LOC400499: variants seen among roughly 807,000 people sequenced by gnomAD.
the LOC400499 span, chr16:11,484,762 G>A: frequency 2.5e-6 from 1 of 397,708 alleles, no homozygotes; most frequent in East Asian, 3.6e-5. Flanking sequence ...ACTTAATTCT[G>A]CAAGGAGGAG....
the LOC400499 span, among the ~76,000 whole-genome samples, chr16:11,468,448 T>G: frequency 1.3e-5 from 2 of 151,862 alleles, no homozygotes; most frequent in Non-Finnish European, 2.9e-5. Context: ...CTCAGTCTCC[T>G]GAGTAGCTGA....
the LOC400499 span, chr16:11,402,176 C>A: frequency 2.5e-6 from 1 of 398,956 alleles, no homozygotes; most frequent in South Asian, 1.3e-4. Flanking sequence ...GGTGAGGACA[C>A]ACACAAAGGG....
At chr16:11,381,094 A>G in the LOC400499 span, 2 of 152,126 alleles carry the variant, frequency 1.3e-5, no homozygotes, top group Admixed American at 1.3e-4. Context: ...CAGCCTGGCC[A>G]TTTGGATGTT....
At chr16:11,460,397 G>A in the LOC400499 span, 1 of 1,388,186 alleles carries the variant, frequency 7.2e-7, no homozygotes, top group East Asian at 2.6e-5. Context: ...TCTCTTTGGG[G>A]ATGAGTTCAG....
At chr16:11,385,056 G>A in the LOC400499 span, 1 of 1,232,028 alleles carries the variant, frequency 8.1e-7, no homozygotes, top group Non-Finnish European at 1.0e-6. Flanking sequence ...GAGTTGTACA[G>A]CCTGTAGGCC....
At chr16:11,416,055 G>A in the LOC400499 span, among the ~76,000 whole-genome samples, 7,000 of 151,242 alleles carry the variant, frequency 0.046, 552 homozygotes, top group African/African-American at 0.16. Context: ...TCCCAGGTTC[G>A]AGTGATTCTT....
the LOC400499 span, among the ~76,000 whole-genome samples, chr16:11,384,611 C>G: frequency 2.0e-5 from 3 of 152,206 alleles, no homozygotes; most frequent in African/African-American, 7.2e-5. Flanking sequence ...CCTTTGTGTT[C>G]CTTGGCAGAG....
chr16:11,382,301 A>T, the LOC400499 span, among the ~76,000 whole-genome samples: 1 of 152,166 alleles, frequency 6.6e-6, no homozygotes, highest in African/African-American at 2.4e-5. Context: ...CCAATTCATT[A>T]ATTTTCTCTT....
chr16:11,496,970 T>C, the LOC400499 span, among the ~76,000 whole-genome samples: 3 of 151,922 alleles, frequency 2.0e-5, no homozygotes, highest in African/African-American at 7.2e-5. Context: ...TGTCCGTGCA[T>C]TTCCCCATGT....
the LOC400499 span, among the ~76,000 whole-genome samples, chr16:11,479,034 C>A: frequency 5.1e-3 from 770 of 152,300 alleles, 4 homozygotes; most frequent in African/African-American, 0.017. Flanking sequence ...TATTAAATTT[C>A]TTTCTTTGGT....
At chr16:11,414,330 T>C in the LOC400499 span, 2 of 399,286 alleles carry the variant, frequency 5.0e-6, no homozygotes. Flanking sequence ...TCCTGCTCCA[T>C]CCACTCCTTA....
chr16:11,487,113 C>T, the LOC400499 span: 1 of 396,056 alleles, frequency 2.5e-6, no homozygotes, highest in African/African-American at 2.1e-5. Flanking sequence ...ATGGACATAT[C>T]TATGGGCAGG....
At chr16:11,407,968 C>CTCTTTT in the LOC400499 span, among the ~76,000 whole-genome samples, 2 of 116,200 alleles carry the variant, frequency 1.7e-5, no homozygotes, top group African/African-American at 6.8e-5. Flanking sequence ...TGTTCCAGAG[C>CTCTTTT]TGTTTTTTTT....
the LOC400499 span, among the ~76,000 whole-genome samples, chr16:11,403,968 G>A: frequency 6.6e-6 from 1 of 152,058 alleles, no homozygotes; most frequent in Non-Finnish European, 1.5e-5. Flanking sequence ...CTCCTGCCTC[G>A]CCTCATCCCT....
chr16:11,417,271 G>C, the LOC400499 span, among the ~76,000 whole-genome samples: 1 of 152,102 alleles, frequency 6.6e-6, no homozygotes, highest in African/African-American at 2.4e-5. Context: ...CTGTCACCCA[G>C]GCTGGAGGGC....
At chr16:11,378,476 C>G in the LOC400499 span, among the ~76,000 whole-genome samples, 1 of 152,180 alleles carries the variant, frequency 6.6e-6, no homozygotes, top group Non-Finnish European at 1.5e-5. Flanking sequence ...GTTTGCCAAG[C>G]TGGGCTCAAA....
the LOC400499 span, chr16:11,478,040 C>T: frequency 1.3e-5 from 5 of 396,528 alleles, no homozygotes; most frequent in Middle Eastern, 6.4e-4. Context: ...GGGCCGGGCT[C>T]GGTGGCTCAC....
the LOC400499 span, among the ~76,000 whole-genome samples, chr16:11,408,560 G>C: frequency 6.6e-6 from 1 of 151,348 alleles, no homozygotes; most frequent in Non-Finnish European, 1.5e-5. Flanking sequence ...AACCTCCTGG[G>C]CTCAAGCAAT....
At chr16:11,481,416 G>T in the LOC400499 span, among the ~76,000 whole-genome samples, 161 of 152,240 alleles carry the variant, frequency 1.1e-3, no homozygotes, top group African/African-American at 3.6e-3. Context: ...TCTGCCTCTT[G>T]GGTTAAAGCG....
Sources: gnomAD v4.1 joint callset for allele counts (sites outside exome capture counted in the v4.1 genomes callset) on GRCh38, gnomAD v4.1.1 for gene constraint, MANE v1.5 for transcripts.